Variants in RAD51B observed in about 807,000 individuals in gnomAD.
RAD51B encodes RAD51 paralog B, also known as DNA repair protein RAD51 homolog 2.
A neutral mutation model predicts 42.2 loss-of-function variants in RAD51B; 38 were observed. The observed-to-expected ratio is 0.90, with a 90% confidence interval of 0.70 to 1.18. RAD51B has a LOEUF of 1.18. RAD51B is among the 50% of genes most tolerant of loss of function. The pLI is 0.00. For missense variants in RAD51B, 373 were observed against 400.7 expected, an observed-to-expected ratio of 0.93 and a Z score of 0.59; for synonymous variants, 154 against 145.2, an observed-to-expected ratio of 1.06 and a Z score of -0.43.
chr14:68,115,846 C>T (rs995072002), intron 7 of RAD51B, among the ~76,000 whole-genome samples: 7 of 152,128 alleles, frequency 4.6e-5, no homozygotes, highest in African/African-American at 1.4e-4. Flanking sequence ...CAGAGTGGGG[C>T]ATGGTGTTCC....
intron 7 of RAD51B, among the ~76,000 whole-genome samples, chr14:68,076,068 A>C (rs149302638): frequency 9.1e-4 from 138 of 152,354 alleles, no homozygotes; most frequent in African/African-American, 3.2e-3. Context: ...AAATCATTTC[A>C]TGGGGAAATC....
intron 5 of RAD51B, among the ~76,000 whole-genome samples, chr14:67,885,236 A>G (rs1346327109): frequency 6.6e-6 from 1 of 152,174 alleles, no homozygotes; most frequent in African/African-American, 2.4e-5. Flanking sequence ...AATATGAATG[A>G]TGGCATTTTA....
At chr14:68,299,408 G>A (rs1015295920) in intron 8 of RAD51B, among the ~76,000 whole-genome samples, 1 of 151,980 alleles carries the variant, frequency 6.6e-6, no homozygotes, top group Non-Finnish European at 1.5e-5. Context: ...CTTTTTCCTT[G>A]TCATTATTCC....
chr14:68,128,507 A>G (rs1374487819), intron 7 of RAD51B, among the ~76,000 whole-genome samples: 11 of 152,166 alleles, frequency 7.2e-5, no homozygotes, highest in African/African-American at 2.4e-4. Flanking sequence ...CCTGGCCAAC[A>G]TGGTGAAACC....
In RAD51B at chr14:68,627,091, AAG is replaced by A. The variant is rs1365847521; in HGVS notation, c.1037-23685_1037-23684del. 3.9e-5 allele frequency: 6 copies of A among 152,342 alleles called. No homozygotes were observed. In the East Asian group the frequency reaches 1.2e-3, roughly 29 times the overall value. The allele number at this position is 152,342 out of a possible 1,614,324, so 9.4% of individuals were successfully genotyped here. ...CCAGAATTCTGGAGTCAGAATGCGG[AAG>A]AGAGTGGAAAAAACCACTTACATCA... On this transcript the variant is annotated intron_variant, in intron 10 of 11. Coordinates refer to the RAD51B transcript ENST00000488612.
At chr14:68,533,258 GC>G (rs1887423287) in intron 10 of RAD51B, among the ~76,000 whole-genome samples, 1 of 152,188 alleles carries the variant, frequency 6.6e-6, no homozygotes, top group African/African-American at 2.4e-5. Flanking sequence ...CATTTTCTAG[GC>G]ACTAGGTAAA....
At chr14:68,521,212 A>G (rs1886553932) in intron 10 of RAD51B, among the ~76,000 whole-genome samples, 1 of 152,170 alleles carries the variant, frequency 6.6e-6, no homozygotes, top group South Asian at 2.1e-4. Context: ...GAGAGGAGGG[A>G]GTCCCAGAAG....
At chr14:68,497,230 T>C in intron 10 of RAD51B, 2 of 1,370,268 alleles carry the variant, frequency 1.5e-6, no homozygotes. Flanking sequence ...AGTCTTGTGG[T>C]GAAACACCCA....
chr14:67,850,883 T>A (rs182162196), intron 4 of RAD51B, among the ~76,000 whole-genome samples: 1 of 152,116 alleles, frequency 6.6e-6, no homozygotes, highest in Non-Finnish European at 1.5e-5. Context: ...AGCTCTTGAC[T>A]CCTGGATCAG....
At chr14:68,193,538 G>T (rs1034204162) in intron 7 of RAD51B, among the ~76,000 whole-genome samples, 1 of 152,068 alleles carries the variant, frequency 6.6e-6, no homozygotes, top group African/African-American at 2.4e-5. Flanking sequence ...TGCTACAGAG[G>T]GCTAAAGGGA....
At chr14:68,468,301 C>T (rs759867451) in intron 10 of RAD51B, 51 bp downstream of exon 10, 1 of 1,529,328 alleles carries the variant, frequency 6.5e-7, no homozygotes, top group Non-Finnish European at 9.1e-7. Flanking sequence ...CAGTGCTGCC[C>T]ATTGCTAGTG....
At chr14:68,019,888 C>T (rs1350146914) in intron 7 of RAD51B, among the ~76,000 whole-genome samples, 2 of 152,092 alleles carry the variant, frequency 1.3e-5, no homozygotes, top group Non-Finnish European at 2.9e-5. Context: ...AGAATGTGCC[C>T]CTTCCCTGTA....
chr14:67,926,558 C>T (rs1252788654), intron 7 of RAD51B, among the ~76,000 whole-genome samples: 2 of 85,114 alleles, frequency 2.3e-5, no homozygotes, highest in Non-Finnish European at 4.4e-5. Context: ...GATATGTTTC[C>T]TTTTTTTTTT....
chr14:67,870,102 A>C (rs2042472087), intron 5 of RAD51B, among the ~76,000 whole-genome samples: 1 of 150,378 alleles, frequency 6.6e-6, no homozygotes, highest in African/African-American at 2.4e-5. Flanking sequence ...CTTTAAATGT[A>C]AATGGACTAA....
At chr14:67,837,201 A>C (rs540632397) in intron 4 of RAD51B, among the ~76,000 whole-genome samples, 1 of 152,244 alleles carries the variant, frequency 6.6e-6, no homozygotes, top group African/African-American at 2.4e-5. Flanking sequence ...TTCTTTTGGA[A>C]TATACTGCCA....
intron 9 of RAD51B, among the ~76,000 whole-genome samples, chr14:68,425,167 A>G (rs191370513): frequency 6.6e-6 from 1 of 152,362 alleles, no homozygotes; most frequent in African/African-American, 2.4e-5. Flanking sequence ...TCAAAGGCCA[A>G]GTATTTTCAA....
rs1354706935 is a variant in RAD51B at position 68,091,217 on chromosome 14, A to C, written c.757-200667A>C. On this transcript the variant is annotated intron_variant, in intron 7 of 10. Coordinates refer to ENST00000471583, the MANE Select transcript of RAD51B (RefSeq NM_133510.4). ...TTTATAATCCTTTGGGTATATACCC[A>C]GTAATGGGATGGCTGGGTCAAATGG... 5.3e-5 allele frequency among the ~76,000 whole-genome samples: 8 copies of C among 152,312 alleles called. No individual in the cohort carries two copies. In the East Asian group the frequency reaches 1.5e-3, roughly 29 times the overall value.
chr14:68,012,432 T>TTATATA (rs150491903), intron 7 of RAD51B, among the ~76,000 whole-genome samples: 4 of 150,980 alleles, frequency 2.6e-5, no homozygotes, highest in Non-Finnish European at 4.4e-5. Context: ...ACAAAGAATT[T>TTATATA]TATATATATA....
intron 7 of RAD51B, among the ~76,000 whole-genome samples, chr14:68,056,530 C>A: frequency 6.6e-6 from 1 of 151,806 alleles, no homozygotes; most frequent in Admixed American, 6.6e-5. Flanking sequence ...AGGCGGATTG[C>A]CTGAGCTCAG....
Sources: gnomAD v4.1 joint callset for allele counts (sites outside exome capture counted in the v4.1 genomes callset) on GRCh38, gnomAD v4.1.1 for gene constraint, MANE v1.5 for transcripts, NCBI Gene and HGNC (gene_info 2026-07-23, HGNC 2026-07-21) for gene names.